ZFHX3: variants seen among roughly 807,000 people sequenced by gnomAD.
ZFHX3 encodes the protein zinc finger homeobox protein 3.
ZFHX3 carries 42 observed loss-of-function variants against 279.1 expected under a neutral mutation model. That is an observed-to-expected ratio of 0.15 (90% CI 0.12 to 0.19). ZFHX3 has a LOEUF of 0.19. ZFHX3 is among the 10% of genes least tolerant of loss of function. The probability of loss-of-function intolerance (pLI) is 1.00; values close to 1 mark genes in which losing one functional copy is unlikely to be tolerated. For missense variants in ZFHX3, 4,981 were observed against 4,754.0 expected (o/e 1.05, Z -1.40); for synonymous variants, 2,293 against 1,957.8 (o/e 1.17, Z -4.52).
chr16:73,598,103 A>T (rs2143855728), intron 2 of ZFHX3, among the ~76,000 whole-genome samples: 1 of 152,164 alleles, frequency 6.6e-6, no homozygotes, highest in African/African-American at 2.4e-5. Flanking sequence ...CTGCTAAGGA[A>T]CTCCAGGAGC....
intron 1 of ZFHX3, among the ~76,000 whole-genome samples, chr16:72,984,382 T>G (rs201000471): frequency 2.4e-4 from 37 of 152,278 alleles, no homozygotes; most frequent in East Asian, 3.9e-4. Flanking sequence ...ATCCCAGTAC[T>G]CTGGGAGGCT....
chr16:73,363,808 G>C (rs1244873028), intron 3 of ZFHX3, among the ~76,000 whole-genome samples: 4 of 152,084 alleles, frequency 2.6e-5, no homozygotes, highest in African/African-American at 4.8e-5. Context: ...AGCATCCCTG[G>C]CCTCATGGAG....
chr16:72,837,746 C>T (rs1465392513), intron 4 of ZFHX3, among the ~76,000 whole-genome samples: 1 of 151,626 alleles, frequency 6.6e-6, no homozygotes, highest in Non-Finnish European at 1.5e-5. Flanking sequence ...ACTACAGGTG[C>T]ACTCCACCAT....
At chr16:73,216,011 C>T (rs1201447320) in intron 5 of ZFHX3, among the ~76,000 whole-genome samples, 1 of 152,092 alleles carries the variant, frequency 6.6e-6, no homozygotes, top group African/African-American at 2.4e-5. Context: ...AGTGATTGAT[C>T]TGAGAAGAAT....
chr16:73,826,076 C>A (rs1166595084), intron 1 of ZFHX3, among the ~76,000 whole-genome samples: 2 of 82,790 alleles, frequency 2.4e-5, no homozygotes, highest in African/African-American at 1.4e-4. Flanking sequence ...CTTTTATTTC[C>A]TTGAGCAGTG....
chr16:73,297,363 C>T (rs147226694), intron 4 of ZFHX3, among the ~76,000 whole-genome samples: 7 of 152,120 alleles, frequency 4.6e-5, no homozygotes, highest in Non-Finnish European at 1.0e-4. Context: ...GACTCTAGGA[C>T]AAACCTACAT....
At chr16:73,710,719 C>G (rs565379762) in intron 1 of ZFHX3, among the ~76,000 whole-genome samples, 1 of 152,280 alleles carries the variant, frequency 6.6e-6, no homozygotes, top group Non-Finnish European at 1.5e-5. Context: ...GCCGCTGTGT[C>G]CTGCTCAGTA....
intron 8 of ZFHX3, among the ~76,000 whole-genome samples, chr16:73,065,325 T>C (rs964310547): frequency 1.3e-5 from 2 of 152,146 alleles, no homozygotes; most frequent in Admixed American, 6.5e-5. Flanking sequence ...ATGCTTGCAT[T>C]TCTTGCAGGC....
intron 7 of ZFHX3, among the ~76,000 whole-genome samples, chr16:73,099,821 T>C (rs970628988): frequency 1.1e-4 from 16 of 151,882 alleles, no homozygotes; most frequent in Non-Finnish European, 1.0e-4. Context: ...AGGCCAAATG[T>C]TCAGAGTCAT....
chr16:73,241,199 T>C (rs2013111072), intron 5 of ZFHX3, among the ~76,000 whole-genome samples: 1 of 152,242 alleles, frequency 6.6e-6, no homozygotes, highest in South Asian at 2.1e-4. Flanking sequence ...CAGAGGATTA[T>C]ACATGATAGT....
upstream of ZFHX3, among the ~76,000 whole-genome samples, chr16:73,063,208 C>T (rs1256241873): frequency 6.6e-6 from 1 of 152,222 alleles, no homozygotes; most frequent in Admixed American, 6.5e-5. Context: ...GTTAAGCTGC[C>T]CGAGCCCGGG....
intron 1 of ZFHX3, among the ~76,000 whole-genome samples, chr16:73,724,608 G>T (rs1354388731): frequency 6.6e-6 from 1 of 152,188 alleles, no homozygotes; most frequent in African/African-American, 2.4e-5. Context: ...ATAGCCTGTT[G>T]TCAGGATAGA....
intron 3 of ZFHX3, among the ~76,000 whole-genome samples, chr16:72,948,548 G>A (rs570985381): frequency 1.7e-4 from 26 of 152,266 alleles, no homozygotes; most frequent in East Asian, 9.7e-4. Context: ...CAAATCCGCC[G>A]AGTTCCAGGC....
At chr16:72,950,424 C>A in intron 3 of ZFHX3, 45 bp downstream of exon 3, 1 of 1,592,826 alleles carries the variant, frequency 6.3e-7, no homozygotes. Context: ...GCGCAACCCC[C>A]TCCTTTCAGA....
intron 1 of ZFHX3, among the ~76,000 whole-genome samples, chr16:73,008,935 T>C (rs1008348062): frequency 6.6e-6 from 1 of 151,872 alleles, no homozygotes; most frequent in Admixed American, 6.6e-5. Context: ...TGTGTGTGTG[T>C]GTGTATGTGT....
intron 1 of ZFHX3, among the ~76,000 whole-genome samples, chr16:73,866,947 A>C (rs531795853): frequency 3.2e-4 from 48 of 152,256 alleles, no homozygotes; most frequent in African/African-American, 9.6e-4. Flanking sequence ...AACTCCCTTC[A>C]TGTCCCTTCT....
At chr16:73,149,135 T>C (rs1238632238) in intron 5 of ZFHX3, among the ~76,000 whole-genome samples, 1 of 148,474 alleles carries the variant, frequency 6.7e-6, no homozygotes, top group African/African-American at 2.4e-5. Context: ...TACATTAATA[T>C]TATAGACTAT....
At chr16:73,661,189 C>CT (rs1165458110) in intron 2 of ZFHX3, among the ~76,000 whole-genome samples, 2 of 152,130 alleles carry the variant, frequency 1.3e-5, no homozygotes, top group Non-Finnish European at 2.9e-5. Context: ...GTTCCTATTT[C>CT]AGAAACTTAT....
At chr16:73,208,978 G>A (rs1056692003) in intron 5 of ZFHX3, among the ~76,000 whole-genome samples, 2 of 151,808 alleles carry the variant, frequency 1.3e-5, no homozygotes, top group Admixed American at 1.3e-4. Flanking sequence ...CATTTTTTTT[G>A]TAAGCAAATC....
Sources: gnomAD v4.1 joint callset for allele counts (sites outside exome capture counted in the v4.1 genomes callset) on GRCh38, gnomAD v4.1.1 for gene constraint, MANE v1.5 for transcripts, NCBI Gene and HGNC (gene_info 2026-07-23, HGNC 2026-07-21) for gene names.